Variants in PKD2L2 observed in about 807,000 individuals in gnomAD.
PKD2L2 encodes the protein polycystin-2-like protein 2.
A neutral mutation model predicts 83.9 loss-of-function variants in PKD2L2; 67 were observed. That is an observed-to-expected ratio of 0.80 (90% CI 0.66 to 0.98). The LOEUF (loss-of-function observed/expected upper bound fraction) is 0.98, where lower values mean the gene tolerates loss of function less well. Ranked by LOEUF, PKD2L2 falls within the 50% of genes least tolerant of loss-of-function variation. The probability of loss-of-function intolerance (pLI) is 0.00; values close to 1 mark genes in which losing one functional copy is unlikely to be tolerated. For synonymous variants in PKD2L2, 223 were observed against 237.8 expected (o/e 0.94, Z 0.57); for missense variants, 632 against 717.2 (o/e 0.88, Z 1.36).
chr5:137,914,925 T>C (rs1230029157), intron 8 of PKD2L2, among the ~76,000 whole-genome samples: 1 of 152,242 alleles, frequency 6.6e-6, no homozygotes, highest in Non-Finnish European at 1.5e-5. Flanking sequence ...GTATCACATT[T>C]ATTGATTTGT....
At chr5:137,907,463 AATCATT>A (rs1482557312) in intron 6 of PKD2L2, among the ~76,000 whole-genome samples, 3 of 152,222 alleles carry the variant, frequency 2.0e-5, no homozygotes, top group African/African-American at 4.8e-5. Flanking sequence ...AGAGTTACAT[AATCATT>A]TTATACATTT....
In PKD2L2 at chr5:137,900,234, G is replaced by A. The variant is rs139783393; in HGVS notation, c.746+497G>A. On this transcript the variant is annotated intron_variant, in intron 5 of 14. Coordinates refer to ENST00000508883, the MANE Select transcript of PKD2L2 (RefSeq NM_001300921.2). ...CTATTGCAGTGAACTCTAGTGTTATGAGTATCCATTTAAAGTGTCGTGTGA... is the reference window on the plus strand; with the variant it reads ...CTATTGCAGTGAACTCTAGTGTTATAAGTATCCATTTAAAGTGTCGTGTGA... 9.8e-5 allele frequency among the ~76,000 whole-genome samples: 15 copies of A among 152,288 alleles called. No homozygotes were observed. The East Asian group carries it at 2.9e-3, about 29-fold the overall frequency.
chr5:137,904,073 A>C (rs1215478243), intron 5 of PKD2L2, among the ~76,000 whole-genome samples: 1 of 152,162 alleles, frequency 6.6e-6, no homozygotes, highest in East Asian at 1.9e-4. Context: ...TATTTATTTT[A>C]AACCTTATGA....
At chr5:137,913,069 T>A (rs1341633833) in intron 8 of PKD2L2, among the ~76,000 whole-genome samples, 1 of 151,740 alleles carries the variant, frequency 6.6e-6, no homozygotes, top group African/African-American at 2.4e-5. Context: ...GAGATGGGGT[T>A]TCACCATGTT....
chr5:137,900,685 A>G (rs567277402), intron 5 of PKD2L2, among the ~76,000 whole-genome samples: 1 of 152,058 alleles, frequency 6.6e-6, no homozygotes, highest in East Asian at 1.9e-4. Flanking sequence ...TGCAGCTTCT[A>G]TGTGAAATTC....
In PKD2L2 at chr5:137,892,621, A is replaced by G. The variant is rs769729615; in HGVS notation, c.267+8A>G. Reference sequence around the variant, plus strand: ...ATAACTGATTTTTGGAAGGTAAAGTATCTTGTGACTGTGGATGAAGTAGAT... The same window carrying G: ...ATAACTGATTTTTGGAAGGTAAAGTGTCTTGTGACTGTGGATGAAGTAGAT... On this transcript the variant is annotated splice_region_variant and intron_variant, in intron 3 of 14. Transcript: ENST00000508883. 2.5e-6 allele frequency: 4 copies of G among 1,609,908 alleles called. No homozygotes were observed. In the South Asian group the frequency reaches 4.4e-5, roughly 18 times the overall value.
intron 5 of PKD2L2, among the ~76,000 whole-genome samples, chr5:137,901,026 C>T (rs911098363): frequency 6.6e-6 from 1 of 151,822 alleles, no homozygotes. Flanking sequence ...ATCCCAGCTA[C>T]TCAGAAGGCT....
intron 9 of PKD2L2, among the ~76,000 whole-genome samples, chr5:137,923,181 A>G (rs1328251057): frequency 6.6e-6 from 1 of 151,666 alleles, no homozygotes; most frequent in East Asian, 1.9e-4. Context: ...ACGCCTGGCT[A>G]ATTTTTGTAT....
intron 5 of PKD2L2, among the ~76,000 whole-genome samples, chr5:137,901,384 T>C (rs1262356718): frequency 6.7e-6 from 1 of 148,970 alleles, no homozygotes; most frequent in Non-Finnish European, 1.5e-5. Context: ...AACAGGCTTT[T>C]AATGCAGACA....
At chr5:137,925,186 T>TTTTGTTTG in intron 11 of PKD2L2, 82 bp downstream of exon 11, 1 of 894,060 alleles carries the variant, frequency 1.1e-6, no homozygotes, top group South Asian at 1.5e-5. Context: ...TTTTTTTGTT[T>TTTTGTTTG]TTTGTTTGTT....
chr5:137,929,552 A>AAAT (rs1759682586), intron 12 of PKD2L2, among the ~76,000 whole-genome samples: 1 of 148,414 alleles, frequency 6.7e-6, no homozygotes, highest in Non-Finnish European at 1.5e-5. Context: ...AAAAAAAAAA[A>AAAT]AAAAAAACAG....
chr5:137,934,375 A>G, intron 12 of PKD2L2, among the ~76,000 whole-genome samples: 1 of 152,200 alleles, frequency 6.6e-6, no homozygotes, highest in East Asian at 1.9e-4. Context: ...CCACTTTATA[A>G]TTGGCCTGGT....
intron 12 of PKD2L2, among the ~76,000 whole-genome samples, chr5:137,933,958 A>G (rs1384670189): frequency 2.0e-5 from 3 of 152,230 alleles, no homozygotes; most frequent in Non-Finnish European, 4.4e-5. Context: ...TGGTGGAAGC[A>G]TGCAATCTAT....
intron 14 of PKD2L2, among the ~76,000 whole-genome samples, chr5:137,937,238 A>G (rs568316841): frequency 6.6e-6 from 1 of 152,346 alleles, no homozygotes; most frequent in Non-Finnish European, 1.5e-5. Flanking sequence ...GGAAAAAGCC[A>G]AAGTGTAGAA....
intron 7 of PKD2L2, among the ~76,000 whole-genome samples, chr5:137,908,484 G>C (rs1012072650): frequency 1.3e-5 from 2 of 151,808 alleles, no homozygotes; most frequent in Non-Finnish European, 2.9e-5. Flanking sequence ...CCAGCTACTA[G>C]GGAGGCTGAG....
chr5:137,906,284 T>C lies in PKD2L2; in HGVS notation c.825T>C (p.Val275=), dbSNP rs1318749654. The change falls in exon 6 of 15, where the codon GTT becomes GTC. Residue 275 remains valine, a synonymous_variant. Coordinates refer to ENST00000508883, the MANE Select transcript of PKD2L2 (RefSeq NM_001300921.2). ...ACTCTGTGAAGCTCCTCAGATATGT[T>C]AGCTACTATGACTATTTTATTGCTT... is the stretch of plus-strand genomic sequence containing the variant. ...QFYSVKLLRY[V]SYYDYFIASC... The C allele has an allele frequency of 6.2e-7, 1 of 1,611,984 alleles. No individual in the cohort carries two copies. The highest frequency in any genetic ancestry group is 8.5e-7 in the Non-Finnish European group (1 of 1,178,142).
At chr5:137,941,988 T>C (rs1033854169) in intron 14 of PKD2L2, 2 of 1,614,042 alleles carry the variant, frequency 1.2e-6, no homozygotes, top group African/African-American at 1.3e-5. Flanking sequence ...CCCGCAACGT[T>C]TTGCGTAGTT....
At chr5:137,909,618 C>A (rs1172958332) in intron 8 of PKD2L2, among the ~76,000 whole-genome samples, 3 of 145,388 alleles carry the variant, frequency 2.1e-5, no homozygotes, top group African/African-American at 7.7e-5. Flanking sequence ...TATCACAGCT[C>A]ATTGCATCCT....
rs1016765322 is a variant in PKD2L2, at chr5:137,936,326, T to C, written c.1791T>C (p.Phe597=). The change falls in exon 14 of 15, where the codon TTT becomes TTC. Residue 597 remains phenylalanine (F), a synonymous_variant. Transcript: ENST00000508883. ...TTCCTTCGAAATTTTCTAGACTTTT[T>C]TTATATGCTGTGGAGCTGGAGAAGG... The part of the protein sequence containing the change: ...PVTQEEFREL[F]LYAVELEKEL... 1.0e-5 allele frequency: 16 copies of C among 1,530,998 alleles called. No homozygotes were observed. In the African/African-American group the frequency reaches 1.4e-4, roughly 13 times the overall value. 94.8% of individuals were successfully genotyped at this position (1,530,998 alleles called of 1,614,324 possible). A position where few individuals can be genotyped will look rare whatever the true frequency, so the allele number is the denominator to read the frequency against.
Sources: gnomAD v4.1 joint callset for allele counts (sites outside exome capture counted in the v4.1 genomes callset) on GRCh38, gnomAD v4.1.1 for gene constraint, MANE v1.5 for transcripts, NCBI Gene and HGNC (gene_info 2026-07-23, HGNC 2026-07-21) for gene names.